Variants in DNM3 observed in about 807,000 individuals in gnomAD.
DNM3 encodes the protein dynamin 3.
A neutral mutation model predicts 101.6 loss-of-function variants in DNM3; 47 were observed. The ratio of observed to expected loss-of-function variants is 0.46; its 90% CI spans 0.37 to 0.59. The LOEUF is 0.59. DNM3 is among the 20% of genes least tolerant of loss of function. The probability of loss-of-function intolerance (pLI) is 0.00; values close to 1 mark genes in which losing one functional copy is unlikely to be tolerated. For synonymous variants in DNM3, 385 were observed against 387.9 expected (o/e 0.99, Z 0.09); for missense variants, 849 against 1,085.7 (o/e 0.78, Z 3.06).
chr1:172,349,726 A>C (rs903601836), intron 17 of DNM3, among the ~76,000 whole-genome samples: 10 of 152,214 alleles, frequency 6.6e-5, no homozygotes, highest in Non-Finnish European at 1.3e-4. Flanking sequence ...AAATAAATGA[A>C]GACAATGTTC....
chr1:171,916,075 A>T (rs1273802594), intron 1 of DNM3, among the ~76,000 whole-genome samples: 2 of 152,166 alleles, frequency 1.3e-5, no homozygotes, highest in Non-Finnish European at 2.9e-5. Context: ...GATATTCCCC[A>T]GGCATGTAAA....
At chr1:172,353,205 A>G (rs929899995) in intron 17 of DNM3, among the ~76,000 whole-genome samples, 1 of 152,090 alleles carries the variant, frequency 6.6e-6, no homozygotes, top group African/African-American at 2.4e-5. Context: ...CCGGATGAAC[A>G]TCTTCCTACC....
chr1:172,129,069 A>T (rs997121297), intron 13 of DNM3, among the ~76,000 whole-genome samples: 9 of 152,268 alleles, frequency 5.9e-5, no homozygotes, highest in Admixed American at 3.9e-4. Flanking sequence ...TGATGCCAGC[A>T]CCCTTGCTCT....
chr1:172,361,772 G>A (rs991307820), intron 17 of DNM3, among the ~76,000 whole-genome samples: 1 of 151,918 alleles, frequency 6.6e-6, no homozygotes, highest in Non-Finnish European at 1.5e-5. Context: ...ACCTCTCTAT[G>A]TTAAATGTTT....
chr1:172,041,017 G>A (rs568362181), intron 7 of DNM3, among the ~76,000 whole-genome samples: 1 of 152,034 alleles, frequency 6.6e-6, no homozygotes, highest in African/African-American at 2.4e-5. Context: ...TTGTATTATC[G>A]AATTGTGGGG....
At chr1:171,942,273 A>G (rs2041870281) in intron 2 of DNM3, among the ~76,000 whole-genome samples, 1 of 140,458 alleles carries the variant, frequency 7.1e-6, no homozygotes, top group Admixed American at 8.0e-5. Flanking sequence ...TCTGGACCTC[A>G]GTTACTGCTC....
chr1:172,276,553 C>A (rs1001115947), intron 15 of DNM3, among the ~76,000 whole-genome samples: 6 of 29,670 alleles, frequency 2.0e-4, no homozygotes, highest in African/African-American at 3.9e-4. Context: ...GAAAAAAAAT[C>A]TTAATGTGTG....
intron 4 of DNM3, among the ~76,000 whole-genome samples, chr1:172,025,256 C>T (rs573598579): frequency 6.6e-6 from 1 of 152,218 alleles, no homozygotes; most frequent in South Asian, 2.1e-4. Flanking sequence ...CTTTAGATTC[C>T]TCCTCTCTGG....
At chr1:171,846,528 C>A (rs936172481) in intron 1 of DNM3, among the ~76,000 whole-genome samples, 1 of 152,146 alleles carries the variant, frequency 6.6e-6, no homozygotes, top group Non-Finnish European at 1.5e-5. Context: ...AGGTATTCTT[C>A]TTAGGTAGTA....
At chr1:172,382,391 T>C (rs558227813) in intron 18 of DNM3, among the ~76,000 whole-genome samples, 3 of 152,292 alleles carry the variant, frequency 2.0e-5, no homozygotes, top group Admixed American at 1.3e-4. Flanking sequence ...TCTAAAAATG[T>C]GTTCGGTGTG....
chr1:172,070,989 C>T (rs539018241), intron 11 of DNM3, among the ~76,000 whole-genome samples: 1 of 148,716 alleles, frequency 6.7e-6, no homozygotes, highest in Non-Finnish European at 1.5e-5. Context: ...TACTCGGAGG[C>T]TGAGGTGGAA....
At chr1:172,057,123 G>A (rs1234844190) in intron 10 of DNM3, among the ~76,000 whole-genome samples, 1 of 152,084 alleles carries the variant, frequency 6.6e-6, no homozygotes, top group Non-Finnish European at 1.5e-5. Flanking sequence ...ATGAAATGAA[G>A]CGAGAAGGGA....
chr1:172,173,798 A>T (rs1250861571), intron 14 of DNM3, among the ~76,000 whole-genome samples: 3 of 151,798 alleles, frequency 2.0e-5, no homozygotes, highest in Non-Finnish European at 4.4e-5. Context: ...TTTAATATTC[A>T]TTAATTTTGC....
chr1:171,897,113 T>G (rs953969366), intron 1 of DNM3, among the ~76,000 whole-genome samples: 1 of 152,156 alleles, frequency 6.6e-6, no homozygotes, highest in Non-Finnish European at 1.5e-5. Flanking sequence ...TAACATTGCG[T>G]TAGGGGCAGA....
chr1:172,262,460 G>A (rs1355384401), intron 15 of DNM3, among the ~76,000 whole-genome samples: 1 of 152,122 alleles, frequency 6.6e-6, no homozygotes, highest in African/African-American at 2.4e-5. Context: ...AAGGATTGAG[G>A]TGTTCTCTCA....
intron 17 of DNM3, among the ~76,000 whole-genome samples, chr1:172,366,332 A>G (rs2068019118): frequency 6.6e-6 from 1 of 151,990 alleles, no homozygotes; most frequent in South Asian, 2.1e-4. Flanking sequence ...GCTTTCCCCA[A>G]TATCAATTTA....
chr1:172,211,281 T>C (rs372336038), intron 14 of DNM3, among the ~76,000 whole-genome samples: 31 of 152,206 alleles, frequency 2.0e-4, no homozygotes, highest in African/African-American at 7.2e-4. Flanking sequence ...TTCCATAACC[T>C]AGGTAACTCA....
At chr1:172,021,433 GCAA>G (rs1350847779) in intron 4 of DNM3, among the ~76,000 whole-genome samples, 8 of 152,062 alleles carry the variant, frequency 5.3e-5, no homozygotes, top group African/African-American at 1.9e-4. Flanking sequence ...CTCCAGCCTG[GCAA>G]CAGAGTGAAA....
intron 14 of DNM3, among the ~76,000 whole-genome samples, chr1:172,221,159 C>T (rs1381055184): frequency 6.6e-6 from 1 of 152,034 alleles, no homozygotes; most frequent in Non-Finnish European, 1.5e-5. Flanking sequence ...TATTAAGAAA[C>T]TTGGTCACAT....
Sources: gnomAD v4.1 joint callset for allele counts (sites outside exome capture counted in the v4.1 genomes callset) on GRCh38, gnomAD v4.1.1 for gene constraint, MANE v1.5 for transcripts, NCBI Gene and HGNC (gene_info 2026-07-23, HGNC 2026-07-21) for gene names.